Variants in LRCH2 observed in about 807,000 individuals in gnomAD.
LRCH2 encodes leucine rich repeats and calponin homology domain containing 2, also known as leucine-rich repeat and calponin homology domain-containing protein 2.
A neutral mutation model predicts 68.9 loss-of-function variants in LRCH2; 38 were observed. The observed-to-expected ratio is 0.55, with a 90% confidence interval of 0.43 to 0.72. The LOEUF is 0.72. Ranked by LOEUF, LRCH2 falls within the 30% of genes least tolerant of loss-of-function variation. LRCH2 has a pLI of 0.00. For missense variants in LRCH2, 528 were observed against 572.9 expected (o/e 0.92, Z 0.80); for synonymous variants, 191 against 208.1 (o/e 0.92, Z 0.71).
chrX:115,168,319 T>G (rs893656029), intron 6 of LRCH2, among the ~76,000 whole-genome samples: 12 of 111,390 alleles, frequency 1.1e-4, no homozygotes, highest in Non-Finnish European at 2.1e-4. Flanking sequence ...GAGTGAGAAA[T>G]TAATACAACT....
chrX:115,168,620 G>A (rs2072582668), intron 6 of LRCH2, among the ~76,000 whole-genome samples: 1 of 110,417 alleles, frequency 9.1e-6, no homozygotes, highest in African/African-American at 3.3e-5. Context: ...TTACTGGATG[G>A]TCCTGCTAGA....
chrX:115,168,837 T>C, intron 6 of LRCH2, among the ~76,000 whole-genome samples: 1 of 111,434 alleles, frequency 9.0e-6, no homozygotes, highest in Non-Finnish European at 1.9e-5. Context: ...ATTCCCCCAC[T>C]TAAAACTGTC....
intron 1 of LRCH2, among the ~76,000 whole-genome samples, chrX:115,193,636 T>C (rs1262196108): frequency 8.9e-6 from 1 of 111,952 alleles, no homozygotes; most frequent in Non-Finnish European, 1.9e-5. Context: ...ACTTAGGACA[T>C]TATAGCAGTG....
chrX:115,139,865 C>T lies in LRCH2; in HGVS notation c.1696-9666G>A, dbSNP rs782172636. Among the ~76,000 whole-genome samples the T allele has an allele frequency of 8.2e-4, 91 of 111,404 alleles. No homozygotes were observed. In the Middle Eastern group the frequency reaches 0.018, roughly 22 times the overall value. On this transcript the variant is annotated intron_variant, in intron 14 of 20. Coordinates refer to ENST00000317135, the MANE Select transcript of LRCH2 (RefSeq NM_020871.4). ...AGCTTGAACTTAAGTTTCTCAGTAA[C>T]CTCACCAATCGCAGGCCAAAGTACT...
chrX:115,150,071 C>T lies in LRCH2; in HGVS notation c.1530-1G>A. ...TGAATTAACTTCATCTGCTGAGACA[C>T]TAAAAAATTGAAGATGCCTTAATAC... On this transcript the variant is annotated splice_acceptor_variant, in intron 12 of 20. Transcript: ENST00000317135. LOFTEE classifies it high-confidence loss of function. 8.7e-7 allele frequency: 1 copy of T among 1,149,398 alleles called. No individual in the cohort carries two copies. The highest frequency in any genetic ancestry group is 1.2e-6 in the Non-Finnish European group (1 of 860,574). The allele number at this position is 1,149,398 out of a possible 1,213,427, so 94.7% of individuals were successfully genotyped here. A position where few individuals can be genotyped will look rare whatever the true frequency, so the allele number is the denominator to read the frequency against.
intron 6 of LRCH2, among the ~76,000 whole-genome samples, chrX:115,168,538 G>A (rs2072581868): frequency 9.0e-6 from 1 of 111,671 alleles, no homozygotes; most frequent in African/African-American, 3.2e-5. Context: ...CAAATAACAT[G>A]TATTTCTTTT....
intron 1 of LRCH2, chrX:115,198,794 G>GA (rs782105744): frequency 8.8e-6 from 1 of 113,652 alleles, no homozygotes; most frequent in Non-Finnish European, 1.9e-5. Context: ...CAGCTTCACA[G>GA]AAAAAATAAA....
Position 115,233,928 on chromosome X carries a change from T to TC in LRCH2, c.113dup (p.Gly39ArgfsTer91), listed in dbSNP as rs1556579359. The TC allele has an allele frequency of 1.8e-6, 2 of 1,126,520 alleles. No homozygotes were observed. Among genetic ancestry groups the TC allele is most frequent in the Non-Finnish European group, 1.2e-6 (1 of 843,772 alleles). The allele number at this position is 1,126,520 out of a possible 1,213,427, so 92.8% of individuals were successfully genotyped here. A position where few individuals can be genotyped will look rare whatever the true frequency, so the allele number is the denominator to read the frequency against. ...CCAGGGTCCCGCCGCCGCCGCCGCC[T>TC]CCCCCTCCAGCCCCGCCACCTCCCC... is the stretch of plus-strand genomic sequence containing the variant. On this transcript the variant is annotated frameshift_variant, in exon 1 of 21. Transcript: ENST00000317135. LOFTEE classifies it high-confidence loss of function.
intron 15 of LRCH2, among the ~76,000 whole-genome samples, chrX:115,127,101 C>T (rs2072206525): frequency 9.0e-6 from 1 of 111,145 alleles, no homozygotes; most frequent in Non-Finnish European, 1.9e-5. Context: ...GAATCTCAGG[C>T]CTCACCCGAG....
Position 115,167,649 on chromosome X carries a change from CA to C in LRCH2, c.999-1308del, listed in dbSNP as rs782615628. Among the ~76,000 whole-genome samples, 1,028 of 107,937 alleles carry C rather than the reference CA, an allele frequency of 9.5e-3. 13 individuals carry two copies. The highest frequency in any genetic ancestry group is 0.032 in the African/African-American group (967 of 29,893). The allele number at this position is 107,937 out of a possible 115,157, so 93.7% of individuals were successfully genotyped here. Reference sequence around the variant, plus strand: ...TGAAGTTATAATTATTATCTTTTTACAAAAAAAAATAAAGCTTACAAAAGTT... The same window carrying C: ...TGAAGTTATAATTATTATCTTTTTACAAAAAAAATAAAGCTTACAAAAGTT... On this transcript the variant is annotated intron_variant, in intron 6 of 20. Transcript: ENST00000317135.
intron 12 of LRCH2, among the ~76,000 whole-genome samples, chrX:115,156,106 A>C (rs2072472694): frequency 9.0e-6 from 1 of 111,487 alleles, no homozygotes; most frequent in South Asian, 3.8e-4. Context: ...ACATTCTCAG[A>C]GGATTGACTC....
At chrX:115,193,726 G>A (rs1556562282) in intron 1 of LRCH2, among the ~76,000 whole-genome samples, 2 of 111,012 alleles carry the variant, frequency 1.8e-5, no homozygotes, top group African/African-American at 6.6e-5. Flanking sequence ...ACCATTGTAG[G>A]GGGCTATCCT....
rs2072041090 is a variant in LRCH2 at position 115,111,275 on chromosome X, G to A, written c.*1941C>T. On this transcript the variant is annotated 3_prime_UTR_variant, in exon 21 of 21. Coordinates refer to ENST00000317135, the MANE Select transcript of LRCH2 (RefSeq NM_020871.4). Reference sequence around the variant, plus strand: ...TTTTAAAGGAATAATTAACTGAAAAGTAACTGAAATGTTATAAGAAAATGG... The same window carrying A: ...TTTTAAAGGAATAATTAACTGAAAAATAACTGAAATGTTATAAGAAAATGG... The A allele has an allele frequency of 9.0e-6, 1 of 110,861 alleles. No individual in the cohort carries two copies. Among genetic ancestry groups the A allele is most frequent in the South Asian group, 3.8e-4 (1 of 2,643 alleles). 9.1% of individuals were successfully genotyped at this position (110,861 alleles called of 1,213,427 possible). A position where few individuals can be genotyped will look rare whatever the true frequency, so the allele number is the denominator to read the frequency against.
intron 1 of LRCH2, chrX:115,192,937 T>C (rs2147335123): frequency 3.5e-6 from 1 of 286,730 alleles, no homozygotes; most frequent in Admixed American, 5.8e-5. Flanking sequence ...CTTGTAAATG[T>C]TCCTGATAAA....
rs1835167469 is a variant in LRCH2, at chrX:115,163,722, A to C, written c.1417T>G (p.Leu473Val). The C allele has an allele frequency of 8.3e-7, 1 of 1,198,885 alleles. No individual in the cohort carries two copies. The highest frequency in any genetic ancestry group is 2.2e-5 in the Admixed American group (1 of 44,874). The change falls in exon 11 of 21, where the codon TTG (leucine) becomes GTG (valine). Residue 473 changes from leucine (L) to valine (V), a missense_variant. Leu to Val is a conservative substitution (Grantham distance 32, BLOSUM62 1). Transcript: ENST00000317135. ...EDDDLKEVTD[L>V]RKIAAQLLQQ... ...AATAACTGAGCAGCTATTTTCCTCAAATCAGTTACTTCCTTCAAATCATCA... is the reference window on the plus strand; with the variant it reads ...AATAACTGAGCAGCTATTTTCCTCACATCAGTTACTTCCTTCAAATCATCA...
At chrX:115,122,001 G>T (rs782302381) in intron 20 of LRCH2, among the ~76,000 whole-genome samples, 1 of 111,339 alleles carries the variant, frequency 9.0e-6, no homozygotes, top group African/African-American at 3.3e-5. Context: ...AATGATTATT[G>T]TATAGTAGTG....
At chrX:115,135,939 T>A (rs188407256) in intron 14 of LRCH2, among the ~76,000 whole-genome samples, 1 of 112,130 alleles carries the variant, frequency 8.9e-6, no homozygotes, top group African/African-American at 3.2e-5. Context: ...ACTTAGATTA[T>A]AGAACAATGT....
chrX:115,116,592 C>CAA (rs782016564), intron 20 of LRCH2, among the ~76,000 whole-genome samples: 2 of 111,351 alleles, frequency 1.8e-5, no homozygotes, highest in South Asian at 7.5e-4. Context: ...TTGTTGTTAA[C>CAA]TGTTGCTGAA....
chrX:115,117,935 TAACTC>T (rs2072097949), intron 20 of LRCH2, among the ~76,000 whole-genome samples: 1 of 109,695 alleles, frequency 9.1e-6, no homozygotes, highest in Admixed American at 9.7e-5. Flanking sequence ...TGTATGTTAA[TAACTC>T]AATAAGGCTG....
Sources: gnomAD v4.1 joint callset for allele counts (sites outside exome capture counted in the v4.1 genomes callset) on GRCh38, gnomAD v4.1.1 for gene constraint, MANE v1.5 for transcripts, NCBI Gene and HGNC (gene_info 2026-07-23, HGNC 2026-07-21) for gene names.